Variants in CORO2B observed in about 807,000 individuals in gnomAD.
CORO2B encodes the protein coronin 2B, also known as coronin-2B.
A neutral mutation model predicts 58.8 loss-of-function variants in CORO2B; 26 were observed. That is an observed-to-expected ratio of 0.44 (90% CI 0.32 to 0.61). CORO2B has a LOEUF of 0.61. Ranked by LOEUF, CORO2B falls within the 20% of genes least tolerant of loss-of-function variation. The pLI is 0.04. For synonymous variants in CORO2B, 242 were observed against 253.8 expected, an observed-to-expected ratio of 0.95 and a Z score of 0.44; for missense variants, 460 against 645.1, an observed-to-expected ratio of 0.71 and a Z score of 3.11.
chr15:68,715,242 A>C lies in CORO2B; in HGVS notation c.898A>C (p.Ile300Leu). ...TGATGGAAACATCCGGTACTACGAG[A>C]TCAGCACTGAGAAGCCCTACCTGAG... is the stretch of plus-strand genomic sequence containing the variant. ...KGDGNIRYYE[I>L]STEKPYLSYL... The change falls in exon 8 of 12, where the codon ATC (isoleucine) becomes CTC (leucine). Residue 300 changes from isoleucine (I) to leucine (L), a missense_variant. Ile to Leu is a conservative substitution (Grantham distance 5). Around this residue, in one of 2 missense-constraint regions of CORO2B, gnomAD observed 352 missense variants for 543.0 expected, o/e 0.65. Coordinates refer to ENST00000261861, the MANE Select transcript of CORO2B (RefSeq NM_006091.5). 6.2e-7 allele frequency: 1 copy of C among 1,613,962 alleles called. No homozygotes were observed. Among genetic ancestry groups the C allele is most frequent in the Non-Finnish European group, 8.5e-7 (1 of 1,179,976 alleles).
At chr15:68,548,977 T>C in the CORO2B span, among the ~76,000 whole-genome samples, 1 of 152,246 alleles carries the variant, frequency 6.6e-6, no homozygotes, top group South Asian at 2.1e-4. Context: ...TTTAGCTTGT[T>C]AAATTTTTTC....
At chr15:68,608,836 C>T (rs1566984050) in intron 1 of CORO2B, among the ~76,000 whole-genome samples, 1 of 152,188 alleles carries the variant, frequency 6.6e-6, no homozygotes, top group Non-Finnish European at 1.5e-5. Context: ...ATTCCGCACT[C>T]TCATCCTCAG....
chr15:68,617,567 G>A (rs1900395554), intron 1 of CORO2B, among the ~76,000 whole-genome samples: 1 of 152,198 alleles, frequency 6.6e-6, no homozygotes, highest in African/African-American at 2.4e-5. Context: ...GGTTGGGTGT[G>A]TGTGTGTATG....
At chr15:68,523,028 A>G in the CORO2B span, among the ~76,000 whole-genome samples, 2 of 152,082 alleles carry the variant, frequency 1.3e-5, no homozygotes, top group African/African-American at 4.8e-5. Context: ...CCTCCATTCA[A>G]TCAAGGGCTG....
intron 2 of CORO2B, among the ~76,000 whole-genome samples, chr15:68,688,635 C>T (rs1490583744): frequency 6.6e-6 from 1 of 152,132 alleles, no homozygotes; most frequent in Non-Finnish European, 1.5e-5. Flanking sequence ...AATGCTCATG[C>T]CACTAAATAT....
In CORO2B at chr15:68,611,543, T is replaced by C. The variant is rs76867533; in HGVS notation, c.15+32266T>C. Among the ~76,000 whole-genome samples, 1,259 of 152,296 alleles carry C rather than the reference T, an allele frequency of 8.3e-3. 17 individuals are homozygous for C. Among genetic ancestry groups the C allele is most frequent in the African/African-American group, 0.029 (1,196 of 41,560 alleles). The stretch of plus-strand genomic sequence containing the variant: ...ATTTCAAATTTTTTTTATCTCTGTT[T>C]GGATATATCTTCAACTGAAAGCATG... On this transcript the variant is annotated intron_variant, in intron 1 of 11. Coordinates refer to ENST00000261861, the MANE Select transcript of CORO2B (RefSeq NM_006091.5).
chr15:68,702,821 C>CTTTTTTTTTTTTTTTTTTTT (rs113249272), intron 3 of CORO2B, among the ~76,000 whole-genome samples: 36 of 96,250 alleles, frequency 3.7e-4, no homozygotes, highest in Non-Finnish European at 5.2e-4. Flanking sequence ...TTTTCTTTTT[C>CTTTTTTTTTTTTTTTTTTTT]TTTTTTTTTT....
In CORO2B at chr15:68,719,524, A is replaced by C. The variant is rs1305846211; in HGVS notation, c.1283A>C (p.Glu428Ala). The C allele has an allele frequency of 1.2e-6, 2 of 1,614,044 alleles. No homozygotes were observed. The highest frequency in any genetic ancestry group is 1.3e-5 in the African/African-American group (1 of 74,950). Residue 428 changes from glutamate (E) to alanine (A), a missense_variant, in exon 11 of 12, where the codon GAA becomes GCA. Glu to Ala is a moderately radical substitution (Grantham distance 107, BLOSUM62 -1). Around this residue, in one of 2 missense-constraint regions of CORO2B, gnomAD observed 108 missense variants for 102.1 expected, o/e 1.06. Transcript: ENST00000261861. ...GTGGTCAACGGAATAGATTTATTAGAAAATGTCCCACCCAGGACAGAGAAT... is the reference window on the plus strand; with the variant it reads ...GTGGTCAACGGAATAGATTTATTAGCAAATGTCCCACCCAGGACAGAGAAT... ...SVVVNGIDLL[E>A]NVPPRTENEL...
chr15:68,658,889 G>T (rs184396027), intron 2 of CORO2B, among the ~76,000 whole-genome samples: 4 of 152,178 alleles, frequency 2.6e-5, no homozygotes, highest in African/African-American at 9.7e-5. Flanking sequence ...AAGTGCTGTC[G>T]CTGTCCCCAG....
At chr15:68,658,195 TCTC>T (rs1901884093) in intron 2 of CORO2B, among the ~76,000 whole-genome samples, 2 of 152,216 alleles carry the variant, frequency 1.3e-5, no homozygotes, top group Non-Finnish European at 2.9e-5. Context: ...ACTCTGTGCT[TCTC>T]CTCCCCTGGA....
At chr15:68,585,975 G>A (rs1014188054) in intron 1 of CORO2B, among the ~76,000 whole-genome samples, 34 of 152,298 alleles carry the variant, frequency 2.2e-4, no homozygotes, top group Non-Finnish European at 4.6e-4. Context: ...CAGGTCCCTG[G>A]TCCAGGCCTG....
chr15:68,556,307 G>A, the CORO2B span, among the ~76,000 whole-genome samples: 1 of 152,176 alleles, frequency 6.6e-6, no homozygotes, highest in Non-Finnish European at 1.5e-5. Flanking sequence ...AGTGAGTGTG[G>A]CAGGGCTCCC....
intron 1 of CORO2B, among the ~76,000 whole-genome samples, chr15:68,597,434 T>C (rs1899861151): frequency 6.6e-6 from 1 of 152,154 alleles, no homozygotes; most frequent in South Asian, 2.1e-4. Context: ...TCTACTGTTA[T>C]GCCCATTCTG....
intron 2 of CORO2B, among the ~76,000 whole-genome samples, chr15:68,656,995 G>A (rs953304834): frequency 1.3e-5 from 2 of 152,132 alleles, no homozygotes; most frequent in African/African-American, 4.8e-5. Flanking sequence ...TCCCCAGTTT[G>A]CTCATTTATC....
At chr15:68,714,505 G>T (rs549472991) in intron 6 of CORO2B, 54 bp from the exon 7 acceptor site, 1 of 1,384,702 alleles carries the variant, frequency 7.2e-7, no homozygotes, top group South Asian at 1.2e-5. Flanking sequence ...GGGATTTGGG[G>T]AGGGGTATGC....
the CORO2B span, among the ~76,000 whole-genome samples, chr15:68,552,307 G>A: frequency 6.6e-6 from 1 of 152,150 alleles, no homozygotes; most frequent in Non-Finnish European, 1.5e-5. Flanking sequence ...CTCTTCTGAT[G>A]CTTCATCCAT....
intron 11 of CORO2B, 123 bp from the exon 12 acceptor site, chr15:68,725,720 A>C (rs1893278050): frequency 1.7e-6 from 2 of 1,205,558 alleles, no homozygotes; most frequent in Non-Finnish European, 2.4e-6. Context: ...TGTATCAAGC[A>C]GTGGGAGGCC....
At chr15:68,642,786 A>G (rs372164333) in intron 1 of CORO2B, among the ~76,000 whole-genome samples, 145 of 152,254 alleles carry the variant, frequency 9.5e-4, no homozygotes, top group African/African-American at 3.3e-3. Flanking sequence ...ACTGTGGACT[A>G]TGTAGATCAG....
At chr15:68,658,697 A>G (rs1278231876) in intron 2 of CORO2B, among the ~76,000 whole-genome samples, 1 of 152,186 alleles carries the variant, frequency 6.6e-6, no homozygotes, top group Non-Finnish European at 1.5e-5. Context: ...CATCATTCCT[A>G]AGACCTACTC....
Sources: allele counts gnomAD v4.1 joint callset (sites outside exome capture counted in the v4.1 genomes callset), GRCh38; gene constraint gnomAD v4.1.1; regional missense constraint gnomAD v4.1.1; transcripts MANE v1.5; gene names NCBI Gene and HGNC (gene_info 2026-07-23, HGNC 2026-07-21).